Variants in EFTUD2 observed in about 807,000 individuals in gnomAD.
The protein encoded by EFTUD2 is 116 kDa U5 small nuclear ribonucleoprotein component.
A neutral mutation model predicts 114.3 loss-of-function variants in EFTUD2; 9 were observed. That is an observed-to-expected ratio of 0.08 (90% CI 0.05 to 0.14). The LOEUF is 0.14. Ranked by LOEUF, EFTUD2 falls within the 10% of genes least tolerant of loss-of-function variation. The pLI is 1.00. For synonymous variants in EFTUD2, 449 were observed against 462.3 expected, an observed-to-expected ratio of 0.97 and a Z score of 0.37; for missense variants, 765 against 1,241.2, an observed-to-expected ratio of 0.62 and a Z score of 5.76.
chr17:44,864,468 T>C (rs2050710102), intron 14 of EFTUD2, among the ~76,000 whole-genome samples: 1 of 152,194 alleles, frequency 6.6e-6, no homozygotes, highest in African/African-American at 2.4e-5. Context: ...CCCAGGGTCA[T>C]CTCATGGAAT....
At position 44,883,542 on chromosome 17, in the gene EFTUD2, G is replaced by T. The variant is rs2051111101; in HGVS notation, c.426+107C>A. ...GGCATGCAGCACCCCTAGTCAGGAG[G>T]TTGAGCCTTGTGACCTCAAACCTCA... On this transcript the variant is annotated intron_variant, in intron 5 of 27. Coordinates refer to ENST00000426333, the MANE Select transcript of EFTUD2 (RefSeq NM_004247.4). 3.8e-6 allele frequency: 4 copies of T among 1,055,638 alleles called. No individual in the cohort carries two copies. The Admixed American group carries it at 7.0e-5, about 18-fold the overall frequency. 65.4% of individuals were successfully genotyped at this position (1,055,638 alleles called of 1,614,324 possible).
intron 11 of EFTUD2, among the ~76,000 whole-genome samples, chr17:44,869,218 TGTTA>T (rs2050802794): frequency 6.6e-6 from 1 of 152,222 alleles, no homozygotes; most frequent in African/African-American, 2.4e-5. Context: ...TTTCCCACAT[TGTTA>T]GTTACTGAAA....
intron 4 of EFTUD2, chr17:44,884,071 A>T: frequency 7.8e-6 from 2 of 257,838 alleles, no homozygotes; most frequent in Non-Finnish European, 1.6e-5. Context: ...GTTCAAGACC[A>T]GCCTGGCCAA....
At chr17:44,859,408 T>G in intron 18 of EFTUD2, 1 of 580,614 alleles carries the variant, frequency 1.7e-6, no homozygotes, top group Non-Finnish European at 3.1e-6. Context: ...AAGTCAATGA[T>G]TTAATTCCCA....
At chr17:44,869,719 A>C (rs7208122) in intron 11 of EFTUD2, among the ~76,000 whole-genome samples, 39,781 of 151,366 alleles carry the variant, frequency 0.26, 5,270 homozygotes, top group Non-Finnish European at 0.28. Context: ...TTGGCTTTCT[A>C]CTCTTTATTT....
chr17:44,855,223 C>T (rs1024071596), intron 20 of EFTUD2, among the ~76,000 whole-genome samples: 9 of 152,150 alleles, frequency 5.9e-5, no homozygotes, highest in Non-Finnish European at 1.3e-4. Context: ...AGCTATGGCT[C>T]ACACCACTGC....
chr17:44,879,548 T>C lies in EFTUD2; in HGVS notation c.702+8A>G, dbSNP rs772788903. Reference sequence around the variant, plus strand: ...TGGATGAGATTCTGGGAGCTGAGTCTGACTCACCCCCTCAGCAGCATCAAT... The same window carrying C: ...TGGATGAGATTCTGGGAGCTGAGTCCGACTCACCCCCTCAGCAGCATCAAT... On this transcript the variant is annotated splice_region_variant and intron_variant, in intron 9 of 27. Transcript: ENST00000426333. The C allele has an allele frequency of 3.1e-6, 5 of 1,613,684 alleles. No homozygotes were observed. The highest frequency in any genetic ancestry group is 1.3e-5 in the African/African-American group (1 of 74,894).
intron 18 of EFTUD2, 144 bp from the exon 19 acceptor site, chr17:44,859,325 T>A (rs1030442732): frequency 2.3e-4 from 151 of 668,562 alleles, no homozygotes; most frequent in Non-Finnish European, 3.8e-4. Flanking sequence ...TCAAGAAGGT[T>A]CAGTGAGGAG....
Position 44,853,241 on chromosome 17 carries a change from C to T in EFTUD2, c.2561+55G>A, listed in dbSNP as rs373509837. On this transcript the variant is annotated intron_variant, in intron 25 of 27. Transcript: ENST00000426333. ...CTCTTCCCTGTAGGAGCCGAGGTGA[C>T]TCTTGTTCTGCTCTTGCTCTCAGCA... 2.6e-4 allele frequency: 414 copies of T among 1,581,192 alleles called. 5 individuals are homozygous for T. In the East Asian group the frequency reaches 5.0e-3, roughly 19 times the overall value.
intron 14 of EFTUD2, chr17:44,863,996 C>T (rs2145475049): frequency 2.0e-6 from 1 of 512,670 alleles, no homozygotes; most frequent in Admixed American, 3.9e-5. Flanking sequence ...GAGCAAGCAG[C>T]AGGTATCAGT....
intron 26 of EFTUD2, 135 bp from the exon 27 acceptor site, chr17:44,851,952 T>A: frequency 1.2e-6 from 1 of 816,562 alleles, no homozygotes; most frequent in Non-Finnish European, 1.8e-6. Flanking sequence ...AGTTTCGCTC[T>A]TGTCTCCCAG....
At position 44,852,517 on chromosome 17, in the gene EFTUD2, G is replaced by A. The variant is rs144166621; in HGVS notation, c.2607C>T (p.Tyr869=). Residue 869 remains tyrosine (Y), a synonymous_variant, in exon 26 of 28, where the codon TAC becomes TAT. Coordinates refer to ENST00000426333, the MANE Select transcript of EFTUD2 (RefSeq NM_004247.4). ...TGGCCGGGATAAAAGCTTTGATGGT[G>A]TACAGAGGGGAGCCTGGGATGGGTG... is the stretch of plus-strand genomic sequence containing the variant. ...QDAPIPGSPL[Y]TIKAFIPAID... The A allele has an allele frequency of 3.4e-4, 542 of 1,614,052 alleles. No homozygotes were observed. The highest frequency in any genetic ancestry group is 4.5e-4 in the Non-Finnish European group (526 of 1,180,034).
chr17:44,876,502 C>T (rs1018597239), intron 9 of EFTUD2, among the ~76,000 whole-genome samples: 4 of 152,056 alleles, frequency 2.6e-5, no homozygotes, highest in Non-Finnish European at 5.9e-5. Flanking sequence ...AGTGAGAGGG[C>T]CTAGAAGCAA....
chr17:44,883,002 A>AGAG (rs1187981164), intron 6 of EFTUD2, 91 bp downstream of exon 6: 3 of 1,250,484 alleles, frequency 2.4e-6, no homozygotes, highest in Non-Finnish European at 3.4e-6. Flanking sequence ...CATTATTTAT[A>AGAG]GAGAACAGGA....
At chr17:44,895,935 G>A (rs894032750) in intron 1 of EFTUD2, 2 of 152,150 alleles carry the variant, frequency 1.3e-5, no homozygotes, top group Non-Finnish European at 2.9e-5. Flanking sequence ...TTCCTTCCAA[G>A]GACTGTCATG....
chr17:44,859,054 C>A (rs755245049), intron 19 of EFTUD2, 26 bp downstream of exon 19: 1 of 1,511,342 alleles, frequency 6.6e-7, no homozygotes, highest in Non-Finnish European at 9.2e-7. Flanking sequence ...GACCGTGAAC[C>A]CAGCTCCCGG....
At chr17:44,855,876 C>T (rs922152587) in intron 20 of EFTUD2, among the ~76,000 whole-genome samples, 5 of 150,888 alleles carry the variant, frequency 3.3e-5, no homozygotes, top group African/African-American at 4.9e-5. Flanking sequence ...TGCTTGGACC[C>T]GGGAGGCAGA....
Position 44,894,499 on chromosome 17 carries a change from T to A in EFTUD2, c.23A>T (p.Glu8Val). 6.2e-7 allele frequency: 1 copy of A among 1,613,986 alleles called. No homozygotes were observed. The highest frequency in any genetic ancestry group is 8.5e-7 in the Non-Finnish European group (1 of 1,179,886). MDTDLYD[E>V]FGNYIGPELD... ...CTCTGGTCCAATATAATTCCCAAAC[T>A]CATCATATAAGTCGGTATCCATGAT... Residue 8 changes from glutamate (E) to valine (V), a missense_variant, in exon 2 of 28, where the codon GAG becomes GTG. Physicochemically the swap from Glu to Val is moderately radical, Grantham distance 121. Around this residue, in one of 6 missense-constraint regions of EFTUD2, gnomAD observed 121 missense variants for 133.7 expected, o/e 0.90. Coordinates refer to ENST00000426333, the MANE Select transcript of EFTUD2 (RefSeq NM_004247.4).
intron 20 of EFTUD2, among the ~76,000 whole-genome samples, chr17:44,855,265 C>A (rs541824971): frequency 6.6e-6 from 1 of 152,168 alleles, no homozygotes; most frequent in Non-Finnish European, 1.5e-5. Flanking sequence ...CAACATACTG[C>A]CTCTTAAAAA....
Sources: gnomAD v4.1 joint callset for allele counts (sites outside exome capture counted in the v4.1 genomes callset) on GRCh38, gnomAD v4.1.1 for gene constraint, gnomAD v4.1.1 regional missense constraint, MANE v1.5 for transcripts, NCBI Gene and HGNC (gene_info 2026-07-23, HGNC 2026-07-21) for gene names.